Variants in RFFL observed in about 807,000 individuals in gnomAD.
The protein encoded by RFFL is ring finger and FYVE like domain containing E3 ubiquitin protein ligase.
Under a neutral mutation model 40.4 loss-of-function variants are expected in RFFL, and 16 were observed. The observed-to-expected ratio is 0.40, with a 90% CI of 0.27 to 0.60. The LOEUF (loss-of-function observed/expected upper bound fraction) is 0.60, where lower values mean the gene tolerates loss of function less well. Among genes scored for constraint, RFFL ranks in the 20% least tolerant of loss-of-function variants. The pLI, the probability that RFFL is intolerant of heterozygous loss-of-function variation, is 0.47. For missense variants in RFFL, 367 were observed against 451.7 expected (o/e 0.81, Z 1.70); for synonymous variants, 154 against 167.9 (o/e 0.92, Z 0.64).
intron 1 of RFFL, among the ~76,000 whole-genome samples, chr17:35,035,707 ATTT>A (rs545756312): frequency 1.3e-5 from 2 of 149,884 alleles, no homozygotes; most frequent in Non-Finnish European, 3.0e-5. Context: ...ATATATATAA[ATTT>A]TTTCTTTTTT....
At position 35,010,933 on chromosome 17, in the gene RFFL, T is replaced by C. The variant is rs1324520060; in HGVS notation, c.*1035A>G. The C allele has an allele frequency of 6.6e-6, 1 of 152,122 alleles. No individual in the cohort carries two copies. The highest frequency in any genetic ancestry group is 1.9e-4 in the East Asian group (1 of 5,194). The allele number at this position is 152,122 out of a possible 1,614,324, so 9.4% of individuals were successfully genotyped here. On this transcript the variant is annotated 3_prime_UTR_variant, in exon 7 of 7. Transcript: ENST00000394597. ...GCTCTTAAGTGCTCTGTCTTAACAT[T>C]TGCTCTCCAGGAACTTCAACAGCAG...
intron 1 of RFFL, chr17:35,036,325 C>G (rs576862085): frequency 1.3e-5 from 2 of 151,428 alleles, no homozygotes; most frequent in African/African-American, 4.9e-5. Context: ...ACTTTTCTCT[C>G]TTATCTACAA....
In RFFL at chr17:35,011,967, C is replaced by T. The variant is rs1287121360; in HGVS notation, c.*1G>A. The T allele has an allele frequency of 3.1e-6, 5 of 1,613,860 alleles. No individual in the cohort carries two copies. The African/African-American group carries it at 4.0e-5, about 13-fold the overall frequency. The stretch of plus-strand genomic sequence containing the variant: ...GGCACTGAAGAAACCGATGCAAGCT[C>T]TCAGGACCGGAAGACATGCACAGCT... On this transcript the variant is annotated 3_prime_UTR_variant, in exon 7 of 7. Transcript: ENST00000394597.
intron 2 of RFFL, among the ~76,000 whole-genome samples, chr17:35,023,102 T>C (rs967294276): frequency 6.6e-6 from 1 of 152,364 alleles, no homozygotes; most frequent in African/African-American, 2.4e-5. Context: ...GGGATTGGCC[T>C]GGAGGGCACC....
In RFFL at chr17:35,007,246, C is replaced by T. The variant is rs542144847; in HGVS notation, c.*4722G>A. On this transcript the variant is annotated 3_prime_UTR_variant, in exon 7 of 7. Transcript: ENST00000394597. ...GCCTCTGCTGGCTGCAGGTGATCAT[C>T]TTGTCCCTTCTCTGCCTTAGTGTGT... 3 of 152,396 alleles carry T rather than the reference C, an allele frequency of 2.0e-5. No individual in the cohort carries two copies. In the East Asian group the frequency reaches 5.8e-4, roughly 29 times the overall value. The allele number at this position is 152,396 out of a possible 1,614,324, so 9.4% of individuals were successfully genotyped here.
At chr17:35,088,780 C>T (rs913557770) in intron 1 of RFFL, 4 of 152,280 alleles carry the variant, frequency 2.6e-5, no homozygotes, top group African/African-American at 9.6e-5. Context: ...GGTATCTTTT[C>T]CCCACAAGCC....
At chr17:35,028,923 A>G (rs1022274458) in intron 1 of RFFL, among the ~76,000 whole-genome samples, 2 of 151,900 alleles carry the variant, frequency 1.3e-5, no homozygotes, top group Admixed American at 6.6e-5. Context: ...TGTCTCCCCA[A>G]CTGGCCTGTA....
chr17:35,018,768 A>G (rs2090989788), intron 3 of RFFL: 1 of 152,246 alleles, frequency 6.6e-6, no homozygotes, highest in Admixed American at 6.5e-5. Context: ...GATCCAAATC[A>G]ATGTCTTCAT....
At chr17:35,026,711 T>G (rs906505781) in intron 1 of RFFL, 150 bp from the exon 2 acceptor site, 2 of 646,872 alleles carry the variant, frequency 3.1e-6, no homozygotes, top group African/African-American at 3.8e-5. Flanking sequence ...AGATTTTGTT[T>G]TTCTTCTTTT....
At chr17:35,068,414 A>T (rs2091331360), upstream of RFFL, among the ~76,000 whole-genome samples, 1 of 152,196 alleles carries the variant, frequency 6.6e-6, no homozygotes, top group South Asian at 2.1e-4. Flanking sequence ...GGCCAGAAGG[A>T]CCAGGCAGTC....
intron 1 of RFFL, among the ~76,000 whole-genome samples, chr17:35,052,573 A>C (rs570586976): frequency 1.3e-5 from 2 of 152,316 alleles, no homozygotes; most frequent in African/African-American, 4.8e-5. Context: ...AAAGAAAGAA[A>C]AGGAAATGTG....
chr17:35,048,019 T>G (rs2091210157), intron 1 of RFFL, among the ~76,000 whole-genome samples: 1 of 152,134 alleles, frequency 6.6e-6, no homozygotes, highest in Non-Finnish European at 1.5e-5. Context: ...TCCACAGTGC[T>G]GGGATTATAG....
chr17:35,063,746 A>G (rs570122306), upstream of RFFL: 1 of 152,390 alleles, frequency 6.6e-6, no homozygotes, highest in East Asian at 1.9e-4. Context: ...GGTAAGCAAG[A>G]TTGCAACACA....
chr17:35,046,802 C>G (rs2091202516), intron 1 of RFFL, among the ~76,000 whole-genome samples: 1 of 152,206 alleles, frequency 6.6e-6, no homozygotes, highest in African/African-American at 2.4e-5. Flanking sequence ...AATATCACCC[C>G]TGGGGTCTGA....
In RFFL at chr17:35,079,314, G is replaced by A. The variant is rs368931324; in HGVS notation, c.-9+9791C>T. Among the ~76,000 whole-genome samples the A allele has an allele frequency of 3.9e-5, 6 of 152,094 alleles. No individual in the cohort carries two copies. The South Asian group carries it at 6.2e-4, about 16-fold the overall frequency. ...GCTGGGATTACAGGCGTGAGCCACC[G>A]CCCAACCTGTTTGTGTTGTTTCTAA... On this transcript the variant is annotated intron_variant, in intron 1 of 6. Transcript: ENST00000315249.
chr17:35,029,661 C>T (rs993895026), intron 1 of RFFL, among the ~76,000 whole-genome samples: 1 of 151,462 alleles, frequency 6.6e-6, no homozygotes, highest in African/African-American at 2.4e-5. Context: ...GCTGGGACTA[C>T]AGGCGCCCAC....
chr17:35,087,346 G>A (rs1291422819), intron 1 of RFFL, among the ~76,000 whole-genome samples: 1 of 150,676 alleles, frequency 6.6e-6, no homozygotes, highest in Non-Finnish European at 1.5e-5. Context: ...GTGAGACTCT[G>A]TCTCCAAAAA....
chr17:35,015,650 T>C (rs546740618), intron 5 of RFFL, among the ~76,000 whole-genome samples: 1 of 152,226 alleles, frequency 6.6e-6, no homozygotes. Context: ...GGAATCAGTA[T>C]GTTGCTCTGT....
rs1166888159 is a variant in RFFL at position 35,021,363 on chromosome 17, G to A, written c.591+8C>T. 1.3e-6 allele frequency: 2 copies of A among 1,519,052 alleles called. No homozygotes were observed. Among genetic ancestry groups the A allele is most frequent in the Non-Finnish European group, 1.8e-6 (2 of 1,135,838 alleles). 94.1% of individuals were successfully genotyped at this position (1,519,052 alleles called of 1,614,324 possible). On this transcript the variant is annotated splice_region_variant and intron_variant, in intron 3 of 6. Transcript: ENST00000394597. ...ACAGACTGGCAGAGACTACAAATGG[G>A]CCCTTACCTGCTGATTCTCCTGAAC...
Sources: allele counts gnomAD v4.1 joint callset (sites outside exome capture counted in the v4.1 genomes callset), GRCh38; gene constraint gnomAD v4.1.1; transcripts MANE v1.5; gene names NCBI Gene and HGNC (gene_info 2026-07-23, HGNC 2026-07-21).